WWC1: variants seen among roughly 807,000 people sequenced by gnomAD.
The protein encoded by WWC1 is WW and C2 domain containing 1.
Under a neutral mutation model 138.4 loss-of-function variants are expected in WWC1, and 55 were observed. That is an observed-to-expected ratio of 0.40 (90% CI 0.32 to 0.50). The LOEUF (loss-of-function observed/expected upper bound fraction) is 0.50, where lower values mean the gene tolerates loss of function less well. WWC1 is among the 20% of genes least tolerant of loss of function. WWC1 has a pLI of 0.72. For synonymous variants in WWC1, 524 were observed against 564.9 expected, an observed-to-expected ratio of 0.93 and a Z score of 1.03; for missense variants, 1,226 against 1,420.4, an observed-to-expected ratio of 0.86 and a Z score of 2.20.
intron 16 of WWC1, among the ~76,000 whole-genome samples, chr5:168,443,055 A>G (rs1029947300): frequency 5.1e-5 from 7 of 136,312 alleles, no homozygotes; most frequent in Admixed American, 7.4e-5. Flanking sequence ...TTGGACTCCT[A>G]TGGGATCCCG....
intron 5 of WWC1, among the ~76,000 whole-genome samples, chr5:168,405,139 C>T (rs1779683612): frequency 6.6e-6 from 1 of 152,142 alleles, no homozygotes; most frequent in Non-Finnish European, 1.5e-5. Flanking sequence ...ATTTGAGAGA[C>T]AACCTCAGGG....
chr5:168,424,038 C>A lies in WWC1; in HGVS notation c.1780C>A (p.Pro594Thr). The A allele has an allele frequency of 6.2e-7, 1 of 1,608,856 alleles. No homozygotes were observed. Among genetic ancestry groups the A allele is most frequent in the Non-Finnish European group, 8.5e-7 (1 of 1,177,454 alleles). Reference protein sequence around the residue: ...SAQERYRLEEPGTEGKQLGQA... With the variant: ...SAQERYRLEETGTEGKQLGQA... ...CCAGGAAAGATACCGGCTGGAGGAA[C>A]CAGGAACGGAGGGCAAGCAGCTGGG... is the stretch of plus-strand genomic sequence containing the variant. Residue 594 changes from proline to threonine, a missense_variant, in exon 11 of 23, where the codon CCA becomes ACA. Physicochemically the swap from Pro to Thr is conservative, Grantham distance 38 (BLOSUM62 -1). Coordinates refer to ENST00000265293, the MANE Select transcript of WWC1 (RefSeq NM_015238.3).
intron 17 of WWC1, 147 bp from the exon 18 acceptor site, chr5:168,453,820 AC>A: frequency 7.1e-7 from 1 of 1,417,280 alleles, no homozygotes; most frequent in Non-Finnish European, 9.3e-7. Flanking sequence ...TGCTGGGATT[AC>A]AGGTGTGAGC....
At chr5:168,314,443 T>C (rs940040023) in intron 1 of WWC1, among the ~76,000 whole-genome samples, 4 of 152,026 alleles carry the variant, frequency 2.6e-5, no homozygotes, top group African/African-American at 9.7e-5. Flanking sequence ...GGTGCACACC[T>C]GTAATCCCAG....
chr5:168,457,656 A>G (rs1756456809), intron 19 of WWC1, among the ~76,000 whole-genome samples: 1 of 152,226 alleles, frequency 6.6e-6, no homozygotes, highest in African/African-American at 2.4e-5. Flanking sequence ...GGAAGGCCAG[A>G]CCACAGCCAA....
chr5:168,443,119 T>A (rs1225133157), intron 16 of WWC1, among the ~76,000 whole-genome samples: 1 of 152,148 alleles, frequency 6.6e-6, no homozygotes, highest in Non-Finnish European at 1.5e-5. Context: ...TTTCTTGTAA[T>A]CATCTGTAAT....
At chr5:168,312,725 A>T (rs1771224930) in intron 1 of WWC1, among the ~76,000 whole-genome samples, 1 of 151,838 alleles carries the variant, frequency 6.6e-6, no homozygotes, top group East Asian at 1.9e-4. Flanking sequence ...CTGGACTATC[A>T]CTTGGTACAG....
chr5:168,386,971 T>C (rs746942353), intron 3 of WWC1, among the ~76,000 whole-genome samples: 14 of 152,180 alleles, frequency 9.2e-5, no homozygotes, highest in Non-Finnish European at 1.9e-4. Context: ...AATAACCAAA[T>C]TGTTCCTGTA....
chr5:168,297,262 A>G (rs1233640650), intron 1 of WWC1, among the ~76,000 whole-genome samples: 6 of 152,210 alleles, frequency 3.9e-5, no homozygotes, highest in Non-Finnish European at 7.3e-5. Flanking sequence ...TGGATGCTGC[A>G]TATCTACCCA....
intron 17 of WWC1, among the ~76,000 whole-genome samples, chr5:168,447,930 G>A (rs1755430027): frequency 6.6e-6 from 1 of 151,926 alleles, no homozygotes; most frequent in Non-Finnish European, 1.5e-5. Flanking sequence ...GATCACACAG[G>A]CAAAGGTCTG....
chr5:168,404,123 TC>T (rs1224954894), intron 5 of WWC1, among the ~76,000 whole-genome samples: 2 of 152,008 alleles, frequency 1.3e-5, no homozygotes, highest in African/African-American at 4.8e-5. Flanking sequence ...ACCACTTCTG[TC>T]TCATCCTGCA....
Position 168,385,431 on chromosome 5 carries a change from A to G in WWC1, c.433+17A>G, listed in dbSNP as rs374384593. On this transcript the variant is annotated intron_variant, in intron 3 of 22. Transcript: ENST00000265293. ...AGGTCAGCTGTGAGTACCTCCCACT[A>G]CCACCACCCCCACCGACACCAACAG... The G allele has an allele frequency of 8.7e-6, 14 of 1,610,338 alleles. No individual in the cohort carries two copies. The highest frequency in any genetic ancestry group is 1.2e-5 in the Non-Finnish European group (14 of 1,178,696).
chr5:168,454,527 A>G (rs1040248732), intron 18 of WWC1, among the ~76,000 whole-genome samples: 2 of 152,224 alleles, frequency 1.3e-5, no homozygotes, highest in African/African-American at 4.8e-5. Context: ...GCGCGACAGG[A>G]AAAAGGCCAG....
intron 1 of WWC1, among the ~76,000 whole-genome samples, chr5:168,351,772 C>G (rs955428482): frequency 1.3e-5 from 2 of 152,158 alleles, no homozygotes; most frequent in Admixed American, 1.3e-4. Context: ...CCTGTCGCAG[C>G]CAGGCTGTTT....
At chr5:168,385,017 C>T (rs552147189) in intron 2 of WWC1, among the ~76,000 whole-genome samples, 194 bp from the exon 3 acceptor site, 1 of 152,264 alleles carries the variant, frequency 6.6e-6, no homozygotes, top group African/African-American at 2.4e-5. Flanking sequence ...CACACCCAAC[C>T]CCCTGGCTTA....
rs73801898 is a variant in WWC1 at position 168,364,025 on chromosome 5, G to C, written c.120-7399G>C. Among the ~76,000 whole-genome samples the C allele has an allele frequency of 5.7e-3, 865 of 152,254 alleles. 9 individuals carry two copies. The highest frequency in any genetic ancestry group is 0.02 in the African/African-American group (826 of 41,530). ...ACAACGCGCAGAACTCTCTGATTAT[G>C]TTTGCAACCCACATTTATCAAGGGC... is the stretch of plus-strand genomic sequence containing the variant. On this transcript the variant is annotated intron_variant, in intron 1 of 22. Transcript: ENST00000265293.
intron 2 of WWC1, among the ~76,000 whole-genome samples, chr5:168,371,896 G>A (rs1169588551): frequency 6.6e-6 from 1 of 152,090 alleles, no homozygotes; most frequent in African/African-American, 2.4e-5. Context: ...ATGTAAATTT[G>A]TGGGCATACC....
chr5:168,396,089 G>C (rs907848818), intron 3 of WWC1, among the ~76,000 whole-genome samples: 4 of 152,052 alleles, frequency 2.6e-5, no homozygotes, highest in African/African-American at 9.7e-5. Flanking sequence ...ACATTAAAGA[G>C]TGTTCAGATG....
intron 2 of WWC1, among the ~76,000 whole-genome samples, chr5:168,376,667 A>G (rs1437473818): frequency 1.4e-5 from 2 of 147,582 alleles, no homozygotes; most frequent in African/African-American, 2.6e-5. Flanking sequence ...TCAAGAACGC[A>G]ATCCCATTTA....
Sources: gnomAD v4.1 joint callset for allele counts (sites outside exome capture counted in the v4.1 genomes callset) on GRCh38, gnomAD v4.1.1 for gene constraint, MANE v1.5 for transcripts, NCBI Gene and HGNC (gene_info 2026-07-23, HGNC 2026-07-21) for gene names.